BCL2A1: variants seen among roughly 807,000 people sequenced by gnomAD.
BCL2A1 encodes BCL2 related protein A1.
BCL2A1 carries 10 observed loss-of-function variants against 14.4 expected under a neutral mutation model. The ratio of observed to expected loss-of-function variants is 0.69; its 90% CI spans 0.43 to 1.18. BCL2A1 has a LOEUF of 1.18. BCL2A1 is among the 50% of genes most tolerant of loss of function. BCL2A1 has a pLI of 0.00. For missense variants in BCL2A1, 158 were observed against 205.0 expected, an observed-to-expected ratio of 0.77 and a Z score of 1.40; for synonymous variants, 71 against 76.5, an observed-to-expected ratio of 0.93 and a Z score of 0.38.
intron 1 of BCL2A1, among the ~76,000 whole-genome samples, chr15:79,969,633 T>C (rs1390894268): frequency 6.6e-6 from 1 of 152,192 alleles, no homozygotes; most frequent in Non-Finnish European, 1.5e-5. Flanking sequence ...GCAAAATTTA[T>C]ATGTATACAT....
At chr15:79,961,275 CT>C (rs1456228088) in intron 1 of BCL2A1, 101 bp from the exon 2 acceptor site, 2 of 974,482 alleles carry the variant, frequency 2.1e-6, no homozygotes, top group Admixed American at 5.0e-5. Context: ...AATAGTTAAT[CT>C]TCTACCCCTT....
At chr15:79,964,401 C>T (rs1273890125) in intron 1 of BCL2A1, among the ~76,000 whole-genome samples, 2 of 152,044 alleles carry the variant, frequency 1.3e-5, no homozygotes, top group African/African-American at 4.8e-5. Context: ...CCCTGGAGGT[C>T]GAGGCTGCAG....
chr15:79,963,775 C>T (rs1475466033), intron 1 of BCL2A1, among the ~76,000 whole-genome samples: 2 of 152,116 alleles, frequency 1.3e-5, no homozygotes, highest in African/African-American at 2.4e-5. Flanking sequence ...CATACCCATG[C>T]TTCAGTATTG....
intron 1 of BCL2A1, among the ~76,000 whole-genome samples, chr15:79,968,856 G>A (rs1401251451): frequency 6.6e-6 from 1 of 152,224 alleles, no homozygotes; most frequent in East Asian, 1.9e-4. Context: ...CTCGAAACCA[G>A]GAGGCAGAGG....
rs2035591494 is a variant in BCL2A1 at position 79,971,168 on chromosome 15, G to A, written c.-49C>T. 1 of 1,570,532 alleles carries A rather than the reference G, an allele frequency of 6.4e-7. No individual in the cohort carries two copies. The highest frequency in any genetic ancestry group is 1.7e-5 in the Admixed American group (1 of 57,306). On this transcript the variant is annotated 5_prime_UTR_variant, in exon 1 of 2. Coordinates refer to ENST00000267953, the MANE Select transcript of BCL2A1 (RefSeq NM_004049.4). ...TCTTGAGCTGGCTCACCTTGAAGCT[G>A]TTGAGGCAATGTGCTGAGAATGCTC...
chr15:79,962,158 T>C (rs534202399), intron 1 of BCL2A1, among the ~76,000 whole-genome samples: 34 of 152,192 alleles, frequency 2.2e-4, no homozygotes, highest in Non-Finnish European at 4.6e-4. Flanking sequence ...TGCAAGTAGC[T>C]CAGAGCCCAG....
intron 1 of BCL2A1, among the ~76,000 whole-genome samples, chr15:79,965,637 A>T (rs140487660): frequency 6.6e-6 from 1 of 152,190 alleles, no homozygotes; most frequent in African/African-American, 2.4e-5. Context: ...ACAGGAGTCC[A>T]GGCTGACTCC....
At chr15:79,964,946 C>G (rs1315337190) in intron 1 of BCL2A1, among the ~76,000 whole-genome samples, 1 of 152,048 alleles carries the variant, frequency 6.6e-6, no homozygotes, top group Non-Finnish European at 1.5e-5. Context: ...CTTAGCTTAT[C>G]CAAGGAGGCT....
chr15:79,967,916 T>G (rs2035557578), intron 1 of BCL2A1, among the ~76,000 whole-genome samples: 1 of 152,014 alleles, frequency 6.6e-6, no homozygotes, highest in Non-Finnish European at 1.5e-5. Context: ...CTTGAACTAT[T>G]CAGGTGTTTT....
chr15:79,970,163 A>G (rs947947747), intron 1 of BCL2A1, among the ~76,000 whole-genome samples: 1 of 152,094 alleles, frequency 6.6e-6, no homozygotes, highest in Admixed American at 6.5e-5. Context: ...ATTATATGTA[A>G]TGTAATTTGC....
intron 1 of BCL2A1, among the ~76,000 whole-genome samples, chr15:79,965,869 C>T (rs1053037439): frequency 2.0e-5 from 3 of 151,430 alleles, no homozygotes; most frequent in Non-Finnish European, 4.4e-5. Flanking sequence ...CCAAAGTGAA[C>T]ACTTAGTTAA....
At chr15:79,963,828 G>A (rs1479482820) in intron 1 of BCL2A1, among the ~76,000 whole-genome samples, 1 of 152,078 alleles carries the variant, frequency 6.6e-6, no homozygotes, top group African/African-American at 2.4e-5. Context: ...AAACCAAATT[G>A]TCTAACAATT....
chr15:79,965,983 A>T (rs1448857826), intron 1 of BCL2A1, among the ~76,000 whole-genome samples: 2 of 151,540 alleles, frequency 1.3e-5, no homozygotes, highest in East Asian at 1.9e-4. Context: ...AAGAAAAAAA[A>T]CCTCTTGACC....
chr15:79,966,755 T>C (rs985495172), intron 1 of BCL2A1, among the ~76,000 whole-genome samples: 15 of 147,064 alleles, frequency 1.0e-4, no homozygotes, highest in Non-Finnish European at 2.1e-4. Context: ...CCATGGTAAA[T>C]ATGGAAGAGG....
At chr15:79,970,630 A>C in intron 1 of BCL2A1, 70 bp downstream of exon 1, 1 of 1,451,114 alleles carries the variant, frequency 6.9e-7, no homozygotes, top group Non-Finnish European at 9.3e-7. Context: ...TTGTTGTTTT[A>C]ACTAGCAAGG....
At chr15:79,965,310 G>C (rs1415858858) in intron 1 of BCL2A1, among the ~76,000 whole-genome samples, 1 of 152,012 alleles carries the variant, frequency 6.6e-6, no homozygotes, top group African/African-American at 2.4e-5. Context: ...TGTATTTTTA[G>C]TAGAGACGGG....
intron 1 of BCL2A1, among the ~76,000 whole-genome samples, chr15:79,966,828 AG>A (rs1318923436): frequency 2.7e-5 from 4 of 149,478 alleles, no homozygotes; most frequent in Non-Finnish European, 5.9e-5. Context: ...GCAGGAAGGC[AG>A]GAAGGCAGGA....
intron 1 of BCL2A1, among the ~76,000 whole-genome samples, chr15:79,967,122 C>A (rs2035548916): frequency 6.6e-6 from 1 of 151,154 alleles, no homozygotes; most frequent in Non-Finnish European, 1.5e-5. Context: ...GCAACTTGTA[C>A]AATTCACACA....
chr15:79,969,077 A>T (rs1033957132), intron 1 of BCL2A1, among the ~76,000 whole-genome samples: 1 of 152,164 alleles, frequency 6.6e-6, no homozygotes, highest in Non-Finnish European at 1.5e-5. Flanking sequence ...ATGATCAGTT[A>T]ATATATGAAA....
Sources: gnomAD v4.1 joint callset for allele counts (sites outside exome capture counted in the v4.1 genomes callset) on GRCh38, gnomAD v4.1.1 for gene constraint, MANE v1.5 for transcripts, NCBI Gene and HGNC (gene_info 2026-07-23, HGNC 2026-07-21) for gene names.